The following IBTK variants were observed in gnomAD, a reference collection of about 807,000 sequenced individuals.
IBTK encodes inhibitor of Bruton tyrosine kinase, also known as BTK-binding protein.
In IBTK, 83 loss-of-function variants were observed where a neutral mutation model predicts 154.9. The ratio of observed to expected loss-of-function variants is 0.54; its 90% CI spans 0.45 to 0.64. IBTK has a LOEUF of 0.64. Ranked by LOEUF, IBTK falls within the 30% of genes least tolerant of loss-of-function variation. The pLI, the probability that IBTK is intolerant of heterozygous loss-of-function variation, is 0.00. For missense variants in IBTK, 1,332 were observed against 1,584.6 expected, an observed-to-expected ratio of 0.84 and a Z score of 2.71; for synonymous variants, 515 against 536.1, an observed-to-expected ratio of 0.96 and a Z score of 0.54.
intron 5 of IBTK, 66 bp from the exon 6 acceptor site, chr6:82,225,713 G>T: frequency 8.6e-7 from 1 of 1,161,090 alleles, no homozygotes; most frequent in Non-Finnish European, 1.2e-6. Flanking sequence ...AATAGAATTT[G>T]ATGATACTAC....
At chr6:82,229,657 C>T (rs1770428906) in intron 4 of IBTK, among the ~76,000 whole-genome samples, 1 of 152,086 alleles carries the variant, frequency 6.6e-6, no homozygotes, top group Admixed American at 6.6e-5. Flanking sequence ...ACACTTGCTG[C>T]CCCTGCTCTG....
Position 82,194,541 on chromosome 6 carries a change from C to A in IBTK, c.3276G>T (p.Gln1092His). 6.2e-7 allele frequency: 1 copy of A among 1,610,778 alleles called. No homozygotes were observed. Among genetic ancestry groups the A allele is most frequent in the Non-Finnish European group, 8.5e-7 (1 of 1,178,278 alleles). The change falls in exon 23 of 29, where the codon CAG becomes CAT. Residue 1092 changes from glutamine to histidine, a missense_variant. Gln to His is a conservative substitution (Grantham distance 24). Around this residue, in one of 3 missense-constraint regions of IBTK, gnomAD observed 1,134 missense variants for 1,274.7 expected, o/e 0.89. Coordinates refer to ENST00000306270, the MANE Select transcript of IBTK (RefSeq NM_015525.4). Reference sequence around the variant, plus strand: ...TATCAATTCTGTTACTGGGAATAGGCTGTGGAGCAGATATTTTAAGTATTG... The same window carrying A: ...TATCAATTCTGTTACTGGGAATAGGATGTGGAGCAGATATTTTAAGTATTG... ...KSPILKISAP[Q>H]PIPSNRIDTT...
intron 2 of IBTK, among the ~76,000 whole-genome samples, chr6:82,238,755 T>C (rs1770829845): frequency 1.3e-5 from 2 of 151,934 alleles, no homozygotes; most frequent in South Asian, 2.1e-4. Flanking sequence ...ATTTCTTTTT[T>C]TGAGACAGAG....
At position 82,224,168 on chromosome 6, in the gene IBTK, C is replaced by T; in HGVS notation, c.843G>A (p.Leu281=). The change falls in exon 7 of 29, where the codon CTG becomes CTA. Residue 281 remains leucine (L), a synonymous_variant. Coordinates refer to ENST00000306270, the MANE Select transcript of IBTK (RefSeq NM_015525.4). The part of the protein sequence containing the change: ...NVPRQIQAKY[L]KGRTIIGVAA... ...CAACGCCAATGATTGTCCTTCCTTT[C>T]AGATATTTTGCCTGTATCTATTTAA... is the stretch of plus-strand genomic sequence containing the variant. The T allele has an allele frequency of 6.2e-7, 1 of 1,613,664 alleles. No homozygotes were observed. The highest frequency in any genetic ancestry group is 8.5e-7 in the Non-Finnish European group (1 of 1,179,600).
intron 26 of IBTK, among the ~76,000 whole-genome samples, chr6:82,179,524 A>G (rs903043582): frequency 6.6e-6 from 1 of 152,192 alleles, no homozygotes; most frequent in East Asian, 1.9e-4. Flanking sequence ...CATTAAATGG[A>G]TAGTGTAGAA....
chr6:82,246,041 C>G (rs1771131575), intron 1 of IBTK, among the ~76,000 whole-genome samples: 1 of 152,146 alleles, frequency 6.6e-6, no homozygotes, highest in Non-Finnish European at 1.5e-5. Context: ...TGATCACTTT[C>G]ATTTTCTGAT....
At chr6:82,211,812 T>C (rs936041380) in intron 13 of IBTK, among the ~76,000 whole-genome samples, 1 of 152,102 alleles carries the variant, frequency 6.6e-6, no homozygotes, top group African/African-American at 2.4e-5. Flanking sequence ...ATTTTTCTGA[T>C]TTTCCTTTTT....
intron 5 of IBTK, among the ~76,000 whole-genome samples, chr6:82,226,512 T>C (rs1770303760): frequency 6.6e-6 from 1 of 152,156 alleles, no homozygotes; most frequent in Non-Finnish European, 1.5e-5. Flanking sequence ...CTGGCTCAAT[T>C]TTTAGACCAC....
At chr6:82,204,035 A>T (rs563590340) in intron 17 of IBTK, among the ~76,000 whole-genome samples, 1 of 152,176 alleles carries the variant, frequency 6.6e-6, no homozygotes, top group African/African-American at 2.4e-5. Flanking sequence ...AAAGTCAAAA[A>T]GGCTGTCAGG....
intron 5 of IBTK, among the ~76,000 whole-genome samples, 154 bp from the exon 6 acceptor site, chr6:82,225,801 T>C (rs1251242877): frequency 6.6e-6 from 1 of 152,122 alleles, no homozygotes; most frequent in East Asian, 1.9e-4. Flanking sequence ...CAGCAAAGGG[T>C]AGATGAGTTT....
Position 82,195,449 on chromosome 6 carries a change from G to A in IBTK, c.3175-807C>T, listed in dbSNP as rs138574757. 5.6e-3 allele frequency among the ~76,000 whole-genome samples: 846 copies of A among 151,920 alleles called. 9 individuals carry two copies. The highest frequency in any genetic ancestry group is 0.019 in the African/African-American group (793 of 41,438). On this transcript the variant is annotated intron_variant, in intron 22 of 28. Transcript: ENST00000306270. ...AAAAATTAGCTGGACGTGATGGTGC[G>A]TGCTTATAATCCCAGTTACTCTGCC...
intron 2 of IBTK, among the ~76,000 whole-genome samples, chr6:82,235,884 G>T (rs558899919): frequency 1.6e-4 from 24 of 151,374 alleles, no homozygotes; most frequent in Admixed American, 1.2e-3. Context: ...GTTTTTTTTG[G>T]TTTTTTTGAG....
intron 21 of IBTK, among the ~76,000 whole-genome samples, chr6:82,196,835 G>T (rs1769005826): frequency 6.6e-6 from 1 of 152,294 alleles, no homozygotes; most frequent in East Asian, 1.9e-4. Context: ...TCTTGGTACA[G>T]TGGTCTCCGC....
chr6:82,215,780 C>CAAAAAA (rs59634766), intron 11 of IBTK, among the ~76,000 whole-genome samples: 11 of 82,020 alleles, frequency 1.3e-4, no homozygotes, highest in East Asian at 5.9e-4. Context: ...GACTCCATCT[C>CAAAAAA]AAAAAAAAAA....
intron 15 of IBTK, 127 bp from the exon 16 acceptor site, chr6:82,211,037 T>C (rs1055197789): frequency 3.1e-5 from 15 of 478,804 alleles, no homozygotes; most frequent in Non-Finnish European, 5.4e-5. Flanking sequence ...AACATAAAAT[T>C]TACAAAACAC....
chr6:82,204,743 G>A (rs9361899), intron 17 of IBTK, 114 bp downstream of exon 17: 115,586 of 491,868 alleles, frequency 0.23, 14,313 homozygotes, highest in African/African-American at 0.38. Context: ...GCAGGTTTTC[G>A]TGGTACCAAA....
At chr6:82,200,772 T>G (rs1230663366) in intron 19 of IBTK, 64 bp from the exon 20 acceptor site, 56 of 1,470,160 alleles carry the variant, frequency 3.8e-5, no homozygotes, top group Non-Finnish European at 4.9e-5. Context: ...TTTTTTTTTT[T>G]TTTTTTTTTG....
At chr6:82,182,171 G>T in intron 25 of IBTK, 143 bp from the exon 26 acceptor site, 1 of 726,680 alleles carries the variant, frequency 1.4e-6, no homozygotes, top group Non-Finnish European at 2.2e-6. Context: ...GATTCTTGCT[G>T]CCAATTGTGA....
At chr6:82,201,189 A>G (rs1173407719) in intron 19 of IBTK, among the ~76,000 whole-genome samples, 1 of 152,118 alleles carries the variant, frequency 6.6e-6, no homozygotes, top group East Asian at 1.9e-4. Context: ...TGAGGCTTTC[A>G]GTAACTTTCA....
Sources: allele counts gnomAD v4.1 joint callset (sites outside exome capture counted in the v4.1 genomes callset), GRCh38; gene constraint gnomAD v4.1.1; regional missense constraint gnomAD v4.1.1; transcripts MANE v1.5; gene names NCBI Gene and HGNC (gene_info 2026-07-23, HGNC 2026-07-21).